SORCS2: variants seen among roughly 807,000 people sequenced by gnomAD.
The protein encoded by SORCS2 is VPS10 domain-containing receptor SorCS2.
In SORCS2, 100 loss-of-function variants were observed where a neutral mutation model predicts 141.6. That is an observed-to-expected ratio of 0.71 (90% CI 0.60 to 0.83). The LOEUF (loss-of-function observed/expected upper bound fraction) is 0.83. SORCS2 is among the 40% of genes least tolerant of loss of function. The pLI, the probability that SORCS2 is intolerant of heterozygous loss-of-function variation, is 0.00. For missense variants in SORCS2, 1,646 were observed against 1,560.2 expected (o/e 1.05, Z -0.93); for synonymous variants, 789 against 676.9 (o/e 1.17, Z -2.57).
At chr4:7,405,517 A>G (rs968846480) in intron 2 of SORCS2, among the ~76,000 whole-genome samples, 6 of 151,988 alleles carry the variant, frequency 3.9e-5, no homozygotes, top group African/African-American at 1.4e-4. Context: ...GTCATCTACA[A>G]TTTCTAAGGA....
intron 11 of SORCS2, among the ~76,000 whole-genome samples, chr4:7,695,344 ATGGATTGG>A (rs1724543899): frequency 2.6e-5 from 1 of 39,164 alleles, no homozygotes; most frequent in Non-Finnish European, 4.7e-5. Context: ...GGATGGATGG[ATGGATTGG>A]TGGGTGGATG....
At chr4:7,218,032 G>A (rs1728466610) in intron 1 of SORCS2, among the ~76,000 whole-genome samples, 2 of 152,100 alleles carry the variant, frequency 1.3e-5, no homozygotes, top group Admixed American at 6.5e-5. Context: ...GTATGCTGGC[G>A]GGGGGTGCTC....
chr4:7,711,793 C>T lies in SORCS2; in HGVS notation c.1869-940C>T, dbSNP rs1158785107. ...CTTTCCATTCTGTAAAACGGGCGGA[C>T]CCGGCCTACCAGGCTGTGCATGCAT... On this transcript the variant is annotated intron_variant, in intron 14 of 26. Transcript: ENST00000507866. Among the ~76,000 whole-genome samples the T allele has an allele frequency of 1.3e-5, 2 of 152,232 alleles. 1 individual carries two copies. Among genetic ancestry groups the T allele is most frequent in the Non-Finnish European group, 2.9e-5 (2 of 68,030 alleles).
chr4:7,569,565 TG>T (rs1715243572), intron 3 of SORCS2, among the ~76,000 whole-genome samples: 1 of 152,164 alleles, frequency 6.6e-6, no homozygotes, highest in Non-Finnish European at 1.5e-5. Flanking sequence ...GTGCTGTGTG[TG>T]TACAATATGC....
chr4:7,656,490 C>T (rs894850555), intron 5 of SORCS2, among the ~76,000 whole-genome samples: 1 of 152,194 alleles, frequency 6.6e-6, no homozygotes, highest in Admixed American at 6.5e-5. Flanking sequence ...AACTGAGGCT[C>T]GGGCACGCAT....
At chr4:7,418,091 C>T (rs527558575) in intron 2 of SORCS2, among the ~76,000 whole-genome samples, 1 of 152,254 alleles carries the variant, frequency 6.6e-6, no homozygotes, top group Admixed American at 6.5e-5. Context: ...TCACTTCTTC[C>T]TCCTCCTCCT....
intron 8 of SORCS2, among the ~76,000 whole-genome samples, chr4:7,668,422 G>A (rs1268048733): frequency 1.3e-5 from 2 of 152,174 alleles, no homozygotes; most frequent in Non-Finnish European, 2.9e-5. Context: ...GGGAGAAAAT[G>A]GTTCGGGTGG....
At position 7,728,433 on chromosome 4, in the gene SORCS2, G is replaced by A; in HGVS notation, c.2953G>A (p.Gly985Ser). The change falls in exon 22 of 27, where the codon GGC (glycine) becomes AGC (serine). Residue 985 changes from glycine (G) to serine (S), a missense_variant. Coordinates refer to ENST00000507866, the MANE Select transcript of SORCS2 (RefSeq NM_020777.3). ...PNTPEWREDV[G>S]LVVTRLLSKE... is the part of the protein sequence containing the mutation. The stretch of plus-strand genomic sequence containing the variant: ...CACCCCTGAGTGGAGGGAAGACGTG[G>A]GCCTGGTGGTCACCCGGCTGCTCTC... 1 of 1,613,476 alleles carries A rather than the reference G, an allele frequency of 6.2e-7. No individual in the cohort carries two copies. Among genetic ancestry groups the A allele is most frequent in the African/African-American group, 1.3e-5 (1 of 75,036 alleles).
At chr4:7,418,076 C>T (rs758482787) in intron 2 of SORCS2, among the ~76,000 whole-genome samples, 4 of 152,180 alleles carry the variant, frequency 2.6e-5, no homozygotes, top group Admixed American at 6.5e-5. Context: ...TTACCAGTTA[C>T]GCTGTCACTT....
chr4:7,418,559 C>G (rs1050300421), intron 2 of SORCS2, among the ~76,000 whole-genome samples: 1 of 152,162 alleles, frequency 6.6e-6, no homozygotes, highest in Middle Eastern at 3.2e-3. Flanking sequence ...CTCCACTCCA[C>G]GAGGACCCTT....
In SORCS2 at chr4:7,192,827, C is replaced by G; in HGVS notation, c.181C>G (p.His61Asp). ...RSPEPGRLGP[H>D]AQLTRVPRSP... is the part of the protein sequence containing the mutation. ...CCCTGAGCCCGGGCGCCTGGGTCCT[C>G]ACGCCCAACTGACCCGGGTGCCGCG... The change falls in exon 1 of 27, where the codon CAC (histidine) becomes GAC (aspartate). Residue 61 changes from histidine to aspartate, a missense_variant. By Grantham distance (81) the His-to-Asp change is moderately conservative. Transcript: ENST00000507866. The surrounding 1 kb of genome is among the most constrained non-coding windows in gnomAD (Gnocchi z 4.0). 9.7e-7 allele frequency: 1 copy of G among 1,035,946 alleles called. No individual in the cohort carries two copies. Among genetic ancestry groups the G allele is most frequent in the Non-Finnish European group, 1.2e-6 (1 of 864,870 alleles). The allele number at this position is 1,035,946 out of a possible 1,614,324, so 64.2% of individuals were successfully genotyped here.
intron 3 of SORCS2, among the ~76,000 whole-genome samples, chr4:7,621,571 GTA>G (rs75385804): frequency 1.4e-3 from 217 of 152,118 alleles, no homozygotes; most frequent in Non-Finnish European, 2.3e-3. Flanking sequence ...GTCTGTGTGT[GTA>G]TATGTGTGTG....
At chr4:7,433,343 T>A in intron 2 of SORCS2, 3 of 1,426,582 alleles carry the variant, frequency 2.1e-6, no homozygotes, top group African/African-American at 2.9e-5. Flanking sequence ...TGGAGGTGCA[T>A]CTCTTTCCAT....
intron 3 of SORCS2, among the ~76,000 whole-genome samples, chr4:7,537,580 T>C (rs527729373): frequency 6.6e-6 from 1 of 152,316 alleles, no homozygotes; most frequent in African/African-American, 2.4e-5. Context: ...ATGTACCTAC[T>C]ATGCACTGGG....
At chr4:7,324,932 C>G (rs550645658) in intron 1 of SORCS2, among the ~76,000 whole-genome samples, 1 of 152,216 alleles carries the variant, frequency 6.6e-6, no homozygotes, top group Non-Finnish European at 1.5e-5. Flanking sequence ...CTGGCGGCAG[C>G]TCCTGGATTT....
Position 7,396,332 on chromosome 4 carries a change from G to C in SORCS2, c.525G>C (p.Lys175Asn), listed in dbSNP as rs749976702. The C allele has an allele frequency of 1.4e-5, 23 of 1,613,980 alleles. No individual in the cohort carries two copies. Among genetic ancestry groups the C allele is most frequent in the Non-Finnish European group, 1.9e-5 (23 of 1,179,882 alleles). ...AGTACTACCACGCAGACATGGGGAA[G>C]GTTCTGGAAAGTTCTCTGTGGCGGT... ...LTKYYHADMG[K>N]VLESSLWRSS... is the part of the protein sequence containing the mutation. Residue 175 changes from lysine to asparagine, a missense_variant, in exon 2 of 27, where the codon AAG becomes AAC. By Grantham distance (94) the Lys-to-Asn change is moderately conservative. Transcript: ENST00000507866.
chr4:7,303,626 G>C (rs80208050), intron 1 of SORCS2, among the ~76,000 whole-genome samples: 1 of 152,214 alleles, frequency 6.6e-6, no homozygotes, highest in Non-Finnish European at 1.5e-5. Flanking sequence ...ACCATTCTGG[G>C]AGCTGAGGTA....
At chr4:7,381,082 CAA>C (rs397745880) in intron 1 of SORCS2, among the ~76,000 whole-genome samples, 34 of 103,918 alleles carry the variant, frequency 3.3e-4, no homozygotes, top group Admixed American at 2.1e-4. Flanking sequence ...ACTCTGTCTC[CAA>C]AAAAAAAAAA....
At chr4:7,387,633 ACG>A (rs1491041917) in intron 1 of SORCS2, among the ~76,000 whole-genome samples, 4 of 138,354 alleles carry the variant, frequency 2.9e-5, no homozygotes, top group South Asian at 2.3e-4. Flanking sequence ...ATTTGCACAC[ACG>A]CACACACATG....
Sources: allele counts gnomAD v4.1 joint callset (sites outside exome capture counted in the v4.1 genomes callset), GRCh38; gene constraint gnomAD v4.1.1; non-coding constraint Gnocchi (gnomAD v3.1); transcripts MANE v1.5; gene names NCBI Gene and HGNC (gene_info 2026-07-23, HGNC 2026-07-21).